The following PI4KA variants were observed in gnomAD, a reference collection of about 807,000 sequenced individuals.
PI4KA encodes the protein phosphatidylinositol 4-kinase alpha.
PI4KA carries 122 observed loss-of-function variants against 271.4 expected under a neutral mutation model. The observed-to-expected ratio is 0.45, with a 90% CI of 0.39 to 0.52. The LOEUF (loss-of-function observed/expected upper bound fraction) is 0.52. PI4KA is among the 20% of genes least tolerant of loss of function. The pLI is 0.00. For missense variants in PI4KA, 1,969 were observed against 2,769.1 expected (o/e 0.71, Z 6.48); for synonymous variants, 1,041 against 1,078.8 (o/e 0.96, Z 0.69).
At chr22:20,733,893 A>T in intron 34 of PI4KA, 50 bp from the exon 35 acceptor site, 1 of 1,611,672 alleles carries the variant, frequency 6.2e-7, no homozygotes, top group Non-Finnish European at 8.5e-7. Flanking sequence ...GCCTGGGGCC[A>T]AGTTCACCTT....
At chr22:20,760,581 G>A (rs899956649) in intron 23 of PI4KA, among the ~76,000 whole-genome samples, 14 of 152,132 alleles carry the variant, frequency 9.2e-5, no homozygotes, top group Admixed American at 8.5e-4. Flanking sequence ...CTTAACAACT[G>A]TACACACTCA....
chr22:20,765,333 C>T (rs1202334817), intron 20 of PI4KA, 97 bp from the exon 21 acceptor site: 2 of 1,280,642 alleles, frequency 1.6e-6, no homozygotes, highest in East Asian at 4.7e-5. Flanking sequence ...TCCTTTGAGA[C>T]AATTATCCCA....
intron 28 of PI4KA, among the ~76,000 whole-genome samples, chr22:20,748,034 C>A (rs1030211851): frequency 7.2e-5 from 11 of 152,196 alleles, no homozygotes; most frequent in Admixed American, 2.6e-4. Context: ...CTGTGCCTGG[C>A]CTTGCTATTT....
chr22:20,751,860 C>T (rs1930737429), intron 25 of PI4KA, 105 bp from the exon 26 acceptor site: 1 of 942,996 alleles, frequency 1.1e-6, no homozygotes, highest in African/African-American at 1.6e-5. Flanking sequence ...TGCTTCAGGC[C>T]AGCTGAAGGA....
Position 20,799,257 on chromosome 22 carries a change from C to T in PI4KA, c.1840G>A (p.Asp614Asn), listed in dbSNP as rs754318915. The change falls in exon 16 of 55, where the codon GAC becomes AAC. Residue 614 changes from aspartate (D) to asparagine (N), a missense_variant. This residue lies in a region of PI4KA where 228 missense variants were observed against 261.6 expected (regional missense o/e 0.87). Transcript: ENST00000255882. The stretch of plus-strand genomic sequence containing the variant: ...TGTCCCAAGGCTCGGATTGTGTGGT[C>T]GGGAATCAAGTGAGCGTCCCTACAG... ...ESDKDAHLIP[D>N]HTIRALGHIA... is the part of the protein sequence containing the mutation. 5 of 1,528,192 alleles carry T rather than the reference C, an allele frequency of 3.3e-6. No homozygotes were observed. Among genetic ancestry groups the T allele is most frequent in the South Asian group, 2.6e-5 (2 of 76,336 alleles). The allele number at this position is 1,528,192 out of a possible 1,614,324, so 94.7% of individuals were successfully genotyped here. A position where few individuals can be genotyped will look rare whatever the true frequency, so the allele number is the denominator to read the frequency against.
chr22:20,777,695 C>A (rs969175374), intron 19 of PI4KA, among the ~76,000 whole-genome samples: 1 of 152,196 alleles, frequency 6.6e-6, no homozygotes, highest in Non-Finnish European at 1.5e-5. Flanking sequence ...CCATGTATTA[C>A]CTGTCTGAGT....
intron 1 of PI4KA, among the ~76,000 whole-genome samples, chr22:20,848,633 A>G (rs1174722298): frequency 6.6e-6 from 1 of 152,304 alleles, no homozygotes; most frequent in East Asian, 1.9e-4. Context: ...GGATATTCAC[A>G]TGCAAAAGAA....
Position 20,718,737 on chromosome 22 carries a change from C to T in PI4KA, c.5202G>A (p.Glu1734=). ...TGGTGATCTTGTTAAAGAAATCAAA[C>T]TCCCGCTGGTAAAAGTCCTTCGCTG... is the stretch of plus-strand genomic sequence containing the variant. ...SGPAKDFYQR[E]FDFFNKITNV... The change falls in exon 44 of 55, where the codon GAG becomes GAA. Residue 1734 remains glutamate, a synonymous_variant. Coordinates refer to ENST00000255882, the MANE Select transcript of PI4KA (RefSeq NM_058004.4). 1.9e-6 allele frequency: 3 copies of T among 1,613,954 alleles called. No homozygotes were observed. Among genetic ancestry groups the T allele is most frequent in the South Asian group, 1.1e-5 (1 of 91,074 alleles).
chr22:20,751,520 T>C (rs1167115915), intron 26 of PI4KA, 144 bp from the exon 27 acceptor site: 3 of 933,036 alleles, frequency 3.2e-6, no homozygotes, highest in Non-Finnish European at 5.1e-6. Context: ...ACCAGGTGGA[T>C]TTGGGCCCCC....
chr22:20,826,348 GATAAA>G (rs1171292409), intron 3 of PI4KA, among the ~76,000 whole-genome samples: 3 of 151,922 alleles, frequency 2.0e-5, no homozygotes, highest in African/African-American at 7.3e-5. Flanking sequence ...CTCAAAAAAA[GATAAA>G]ATAAAATAAA....
intron 1 of PI4KA, among the ~76,000 whole-genome samples, chr22:20,840,060 A>G (rs574028883): frequency 6.6e-6 from 1 of 152,336 alleles, no homozygotes; most frequent in East Asian, 1.9e-4. Flanking sequence ...GCAATACTTT[A>G]TCAATACCCT....
At position 20,809,222 on chromosome 22, in the gene PI4KA, C is replaced by T. The variant is rs566732763; in HGVS notation, c.1071+1745G>A. ...ACCAACCATCTTACAAGCCCACAGC[C>T]CAGCTCCATCACTCACGAGCTATGT... is the stretch of plus-strand genomic sequence containing the variant. On this transcript the variant is annotated intron_variant, in intron 9 of 54. Transcript: ENST00000255882. 7.9e-5 allele frequency among the ~76,000 whole-genome samples: 12 copies of T among 152,236 alleles called. No individual in the cohort carries two copies. In the South Asian group the frequency reaches 2.1e-3, roughly 26 times the overall value.
chr22:20,732,466 G>A (rs552313979), intron 36 of PI4KA, among the ~76,000 whole-genome samples: 4 of 152,328 alleles, frequency 2.6e-5, no homozygotes, highest in Non-Finnish European at 5.9e-5. Flanking sequence ...CTGCATGCCG[G>A]TGCAGCCATT....
At chr22:20,741,109 T>C (rs1188070047) in intron 32 of PI4KA, among the ~76,000 whole-genome samples, 1 of 152,184 alleles carries the variant, frequency 6.6e-6, no homozygotes, top group Non-Finnish European at 1.5e-5. Flanking sequence ...CTAATGCATA[T>C]AGTAGTAAAA....
At chr22:20,842,644 C>T (rs1333087101) in intron 1 of PI4KA, among the ~76,000 whole-genome samples, 1 of 151,506 alleles carries the variant, frequency 6.6e-6, no homozygotes, top group Non-Finnish European at 1.5e-5. Flanking sequence ...AAAACTCCAT[C>T]TCTACTAAAA....
In PI4KA at chr22:20,742,229, G is replaced by A. The variant is rs748310842; in HGVS notation, c.3740C>T (p.Pro1247Leu). Residue 1247 changes from proline (P) to leucine (L), a missense_variant and splice_region_variant, in exon 32 of 55, where the codon CCG becomes CTG. Coordinates refer to ENST00000255882, the MANE Select transcript of PI4KA (RefSeq NM_058004.4). ...LLAGKDGVEV[P>L]FMREMAGAWH... ...GCCAACCCGAGGTCAGGGTCCTACCGGCACTTCCACTCCATCCTTGCCAGC... is the reference window on the plus strand; with the variant it reads ...GCCAACCCGAGGTCAGGGTCCTACCAGCACTTCCACTCCATCCTTGCCAGC... 15 of 1,613,664 alleles carry A rather than the reference G, an allele frequency of 9.3e-6. No homozygotes were observed. Among genetic ancestry groups the A allele is most frequent in the Middle Eastern group, 1.6e-4 (1 of 6,082 alleles).
chr22:20,841,097 C>T (rs1347441096), intron 1 of PI4KA, among the ~76,000 whole-genome samples: 3 of 152,194 alleles, frequency 2.0e-5, no homozygotes, highest in Non-Finnish European at 4.4e-5. Flanking sequence ...GATGTCTGGT[C>T]TCGAACTCCT....
chr22:20,856,878 G>T (rs967797517), intron 1 of PI4KA, among the ~76,000 whole-genome samples: 1 of 152,190 alleles, frequency 6.6e-6, no homozygotes, highest in East Asian at 1.9e-4. Context: ...AGTGGAAAGG[G>T]TGCTACCACT....
intron 3 of PI4KA, among the ~76,000 whole-genome samples, chr22:20,831,992 A>G (rs1007676901): frequency 3.3e-5 from 5 of 151,884 alleles, no homozygotes; most frequent in Non-Finnish European, 5.9e-5. Context: ...ACATAATCCC[A>G]TATTTCTCAG....
Sources: allele counts gnomAD v4.1 joint callset (sites outside exome capture counted in the v4.1 genomes callset), GRCh38; gene constraint gnomAD v4.1.1; regional missense constraint gnomAD v4.1.1; transcripts MANE v1.5; gene names NCBI Gene and HGNC (gene_info 2026-07-23, HGNC 2026-07-21).